The following ARL15 variants were observed in gnomAD, a reference collection of about 807,000 sequenced individuals.
ARL15 encodes ARF like GTPase 15, also known as ADP-ribosylation factor-like protein 15.
In ARL15, 19 loss-of-function variants were observed where a neutral mutation model predicts 25.2. The ratio of observed to expected loss-of-function variants is 0.75; its 90% confidence interval spans 0.53 to 1.10. The LOEUF (loss-of-function observed/expected upper bound fraction) is 1.10. Ranked by LOEUF, ARL15 falls within the 50% of genes least tolerant of loss-of-function variation. ARL15 has a pLI of 0.00. For synonymous variants in ARL15, 94 were observed against 86.8 expected (o/e 1.08, Z -0.46); for missense variants, 220 against 246.0 (o/e 0.89, Z 0.71).
At chr5:54,226,306 G>T (rs1031308964) in intron 1 of ARL15, among the ~76,000 whole-genome samples, 2 of 152,174 alleles carry the variant, frequency 1.3e-5, no homozygotes, top group Non-Finnish European at 2.9e-5. Context: ...ACGTTTAGAG[G>T]AAATGAAGGA....
chr5:54,257,347 G>GAT (rs1036230382), intron 1 of ARL15, among the ~76,000 whole-genome samples: 18 of 152,104 alleles, frequency 1.2e-4, no homozygotes, highest in Admixed American at 6.6e-4. Context: ...TCTACTAGGA[G>GAT]ATATATATAT....
intron 4 of ARL15, among the ~76,000 whole-genome samples, chr5:54,059,043 C>G (rs1293562982): frequency 6.6e-6 from 1 of 152,162 alleles, no homozygotes. Context: ...AAACTGCAGT[C>G]TAAAAGCCAC....
At chr5:54,151,691 CAT>C (rs1361298704) in intron 3 of ARL15, among the ~76,000 whole-genome samples, 4 of 151,892 alleles carry the variant, frequency 2.6e-5, no homozygotes, top group African/African-American at 7.2e-5. Flanking sequence ...CACACACAAA[CAT>C]ATGTTTGTGT....
At chr5:53,940,273 G>A (rs1246795191) in intron 4 of ARL15, among the ~76,000 whole-genome samples, 1 of 152,108 alleles carries the variant, frequency 6.6e-6, no homozygotes, top group Non-Finnish European at 1.5e-5. Context: ...GCGCCCGGCA[G>A]TCCTGAAGTT....
At chr5:53,943,207 A>G (rs2112091506) in intron 4 of ARL15, among the ~76,000 whole-genome samples, 1 of 152,308 alleles carries the variant, frequency 6.6e-6, no homozygotes, top group East Asian at 1.9e-4. Flanking sequence ...CCTGATTGTA[A>G]TAATTCACTA....
chr5:54,053,225 AAACAAC>A (rs202208071), intron 4 of ARL15, among the ~76,000 whole-genome samples: 3 of 149,728 alleles, frequency 2.0e-5, no homozygotes, highest in Non-Finnish European at 4.4e-5. Flanking sequence ...GCATCTCCAA[AAACAAC>A]AACAACAACA....
intron 4 of ARL15, among the ~76,000 whole-genome samples, chr5:54,033,823 T>A (rs1750082260): frequency 6.6e-6 from 1 of 152,192 alleles, no homozygotes; most frequent in African/African-American, 2.4e-5. Flanking sequence ...AAGGACTGTC[T>A]TTTTTATTGA....
chr5:54,092,353 T>C lies in ARL15; in HGVS notation c.462+20849A>G, dbSNP rs1347333377. Among the ~76,000 whole-genome samples, 10 of 151,958 alleles carry C rather than the reference T, an allele frequency of 6.6e-5. No individual in the cohort carries two copies. The South Asian group carries it at 1.2e-3, about 19-fold the overall frequency. On this transcript the variant is annotated intron_variant, in intron 4 of 4. Coordinates refer to ENST00000504924, the MANE Select transcript of ARL15 (RefSeq NM_019087.3). ...GAATTAGATGCTCCATCAATCCATA[T>C]TGAATATAAGAATAAATGGATGGGT... is the stretch of plus-strand genomic sequence containing the variant.
At chr5:54,285,527 T>C (rs565324649) in intron 1 of ARL15, among the ~76,000 whole-genome samples, 30 of 152,356 alleles carry the variant, frequency 2.0e-4, no homozygotes, top group Admixed American at 2.0e-4. Context: ...AGCTATTTTT[T>C]ATACTTAACA....
intron 4 of ARL15, among the ~76,000 whole-genome samples, chr5:53,963,700 C>T (rs761181560): frequency 1.3e-4 from 19 of 151,878 alleles, no homozygotes; most frequent in South Asian, 1.0e-3. Context: ...CCCAGCTTCT[C>T]GGGAGGCTGA....
At chr5:54,202,815 C>T (rs190164227) in intron 1 of ARL15, among the ~76,000 whole-genome samples, 1 of 152,038 alleles carries the variant, frequency 6.6e-6, no homozygotes, top group African/African-American at 2.4e-5. Flanking sequence ...TACCTATTTA[C>T]AAGGTTTCCT....
intron 1 of ARL15, among the ~76,000 whole-genome samples, chr5:54,290,257 G>A (rs1273044709): frequency 6.6e-6 from 1 of 151,360 alleles, no homozygotes; most frequent in East Asian, 1.9e-4. Context: ...TTAAACTGAA[G>A]AAGTTTTAGT....
At chr5:54,208,721 G>C (rs1379646644) in intron 1 of ARL15, among the ~76,000 whole-genome samples, 2 of 152,102 alleles carry the variant, frequency 1.3e-5, no homozygotes, top group South Asian at 4.1e-4. Context: ...ATGAACTTTG[G>C]AGTAAGCTAA....
chr5:54,112,273 C>T (rs17266918), intron 4 of ARL15, among the ~76,000 whole-genome samples: 15,686 of 152,082 alleles, frequency 0.1, 1,012 homozygotes, highest in Non-Finnish European at 0.15. Flanking sequence ...AGGTGAGAAG[C>T]CAGGCACAAG....
chr5:54,284,223 CCT>C (rs761412404), intron 1 of ARL15, among the ~76,000 whole-genome samples: 2 of 152,154 alleles, frequency 1.3e-5, no homozygotes, highest in Non-Finnish European at 2.9e-5. Flanking sequence ...CCCACCTGAG[CCT>C]CCCAAGTAGC....
At position 54,101,220 on chromosome 5, in the gene ARL15, T is replaced by G. The variant is rs541961644; in HGVS notation, c.462+11982A>C. Among the ~76,000 whole-genome samples, 246 of 152,238 alleles carry G rather than the reference T, an allele frequency of 1.6e-3. 1 individual carries two copies. Among genetic ancestry groups the G allele is most frequent in the South Asian group, 9.7e-3 (47 of 4,830 alleles). On this transcript the variant is annotated intron_variant, in intron 4 of 4. Transcript: ENST00000504924. ...CAGCCACAACTCTTCCTTTAACATC[T>G]TAAAAATATGATACAACTTTAAATA...
chr5:53,965,625 T>C (rs1027344549), intron 4 of ARL15, among the ~76,000 whole-genome samples: 1 of 144,358 alleles, frequency 6.9e-6, no homozygotes, highest in African/African-American at 2.5e-5. Context: ...TCTGTTTTTC[T>C]TTTTTTTTTT....
chr5:54,121,151 G>A (rs149800243), intron 3 of ARL15, among the ~76,000 whole-genome samples: 3 of 152,110 alleles, frequency 2.0e-5, no homozygotes, highest in Non-Finnish European at 2.9e-5. Flanking sequence ...GTGTTTTTTC[G>A]TCTGTGACTA....
intron 2 of ARL15, among the ~76,000 whole-genome samples, chr5:54,167,479 C>T (rs938110332): frequency 5.3e-5 from 8 of 152,176 alleles, no homozygotes; most frequent in Admixed American, 2.6e-4. Context: ...GGGATAACTG[C>T]GTTTCCTGGC....
Sources: gnomAD v4.1 joint callset for allele counts (sites outside exome capture counted in the v4.1 genomes callset) on GRCh38, gnomAD v4.1.1 for gene constraint, MANE v1.5 for transcripts, NCBI Gene and HGNC (gene_info 2026-07-23, HGNC 2026-07-21) for gene names.